The following ERGIC1 variants were observed in gnomAD, a reference collection of about 807,000 sequenced individuals.
The protein encoded by ERGIC1 is endoplasmic reticulum-Golgi intermediate compartment protein 1.
A neutral mutation model predicts 38.3 loss-of-function variants in ERGIC1; 19 were observed. The observed-to-expected ratio is 0.50, with a 90% confidence interval of 0.35 to 0.73. ERGIC1 has a LOEUF of 0.73. Ranked by LOEUF, ERGIC1 falls within the 30% of genes least tolerant of loss-of-function variation. The pLI, the probability that ERGIC1 is intolerant of heterozygous loss-of-function variation, is 0.01. For synonymous variants in ERGIC1, 124 were observed against 157.6 expected, an observed-to-expected ratio of 0.79 and a Z score of 1.60; for missense variants, 294 against 389.2, an observed-to-expected ratio of 0.76 and a Z score of 2.06.
At chr5:172,876,814 C>G (rs1762148157) in intron 1 of ERGIC1, among the ~76,000 whole-genome samples, 1 of 152,096 alleles carries the variant, frequency 6.6e-6, no homozygotes, top group Non-Finnish European at 1.5e-5. Flanking sequence ...ATAGACAGAA[C>G]CATACCATAT....
At chr5:172,854,584 G>A (rs937545784) in intron 1 of ERGIC1, among the ~76,000 whole-genome samples, 2 of 152,240 alleles carry the variant, frequency 1.3e-5, no homozygotes, top group South Asian at 4.1e-4. Context: ...CAGCACGTCC[G>A]CATGGTCCCG....
chr5:172,935,040 T>C (rs1763857212), intron 8 of ERGIC1, 148 bp from the exon 9 acceptor site: 1 of 1,134,826 alleles, frequency 8.8e-7, no homozygotes. Flanking sequence ...GGAAGGGATG[T>C]GAGAGAGGGA....
intron 4 of ERGIC1, among the ~76,000 whole-genome samples, chr5:172,912,076 C>CTTT (rs565096601): frequency 7.5e-6 from 1 of 132,804 alleles, no homozygotes; most frequent in African/African-American, 2.8e-5. Context: ...TCTGGAGTTT[C>CTTT]TTTTTTTTTT....
intron 1 of ERGIC1, among the ~76,000 whole-genome samples, chr5:172,838,675 T>A (rs945482927): frequency 1.3e-5 from 2 of 152,116 alleles, no homozygotes; most frequent in Non-Finnish European, 2.9e-5. Context: ...CAAGTCATCC[T>A]CCTTCCTTGG....
At chr5:172,950,188 C>T (rs759799390) in intron 9 of ERGIC1, among the ~76,000 whole-genome samples, 10 of 152,232 alleles carry the variant, frequency 6.6e-5, no homozygotes, top group African/African-American at 1.9e-4. Context: ...TTGCTTACTA[C>T]CCATCAAGTC....
intron 8 of ERGIC1, 23 bp downstream of exon 8, chr5:172,932,559 G>T (rs369644983): frequency 1.8e-5 from 29 of 1,609,814 alleles, no homozygotes; most frequent in Non-Finnish European, 2.1e-5. Flanking sequence ...TGGCTGGGCC[G>T]AGCTGTGTGC....
At chr5:172,860,965 C>A (rs1320293601) in intron 1 of ERGIC1, among the ~76,000 whole-genome samples, 2 of 152,212 alleles carry the variant, frequency 1.3e-5, no homozygotes, top group African/African-American at 4.8e-5. Context: ...GGCCCTGGCA[C>A]TGACTGCCTG....
intron 9 of ERGIC1, chr5:172,937,720 A>G (rs1763917261): frequency 6.6e-6 from 1 of 151,806 alleles, no homozygotes; most frequent in South Asian, 2.1e-4. Context: ...ACTGACAGAA[A>G]TTGAAAACTT....
At position 172,951,381 on chromosome 5, in the gene ERGIC1, C is replaced by G. The variant is rs1764226968; in HGVS notation, c.*565C>G. On this transcript the variant is annotated 3_prime_UTR_variant, in exon 10 of 10. Transcript: ENST00000393784. ...TATGATTTGTCACTATAGATGGAACCCTGACTTCTGCCCCATCCCTTCCTG... is the reference window on the plus strand; with the variant it reads ...TATGATTTGTCACTATAGATGGAACGCTGACTTCTGCCCCATCCCTTCCTG... 1 of 152,360 alleles carries G rather than the reference C, an allele frequency of 6.6e-6. No homozygotes were observed. The highest frequency in any genetic ancestry group is 6.5e-5 in the Admixed American group (1 of 15,276). The allele number at this position is 152,360 out of a possible 1,614,324, so 9.4% of individuals were successfully genotyped here.
chr5:172,907,113 T>A (rs1203929577), intron 3 of ERGIC1, among the ~76,000 whole-genome samples: 1 of 152,108 alleles, frequency 6.6e-6, no homozygotes, highest in Non-Finnish European at 1.5e-5. Context: ...GCCCTCCTCC[T>A]CTCCATTCCC....
intron 1 of ERGIC1, among the ~76,000 whole-genome samples, chr5:172,858,380 C>T (rs1221724379): frequency 2.6e-5 from 4 of 152,224 alleles, no homozygotes; most frequent in Admixed American, 2.6e-4. Context: ...AGCAGATCCT[C>T]ACGAACTCTT....
chr5:172,881,847 C>A (rs527407224), intron 1 of ERGIC1, among the ~76,000 whole-genome samples: 1 of 152,340 alleles, frequency 6.6e-6, no homozygotes, highest in African/African-American at 2.4e-5. Flanking sequence ...GCCTCTGTGG[C>A]CCTAGTATAT....
chr5:172,906,850 C>T (rs548948423), intron 3 of ERGIC1, among the ~76,000 whole-genome samples: 29 of 152,192 alleles, frequency 1.9e-4, no homozygotes, highest in African/African-American at 5.5e-4. Flanking sequence ...GGGGCATTAT[C>T]GGGGAATCAG....
At chr5:172,941,038 G>A (rs1763999697) in intron 9 of ERGIC1, among the ~76,000 whole-genome samples, 1 of 152,194 alleles carries the variant, frequency 6.6e-6, no homozygotes, top group Admixed American at 6.5e-5. Flanking sequence ...CAGCACTTTG[G>A]GAGGCCAAGG....
chr5:172,945,733 G>A (rs995259073), intron 9 of ERGIC1, among the ~76,000 whole-genome samples: 1 of 152,100 alleles, frequency 6.6e-6, no homozygotes, highest in Non-Finnish European at 1.5e-5. Context: ...GACCTCGCCT[G>A]GAGTGCAGTG....
chr5:172,906,394 A>G (rs1763024962), intron 3 of ERGIC1, among the ~76,000 whole-genome samples: 1 of 152,262 alleles, frequency 6.6e-6, no homozygotes, highest in Admixed American at 6.5e-5. Context: ...GATGGGGCTC[A>G]GGGCATTTCA....
At chr5:172,862,762 A>G (rs923770901) in intron 1 of ERGIC1, among the ~76,000 whole-genome samples, 2 of 152,180 alleles carry the variant, frequency 1.3e-5, no homozygotes, top group Admixed American at 6.5e-5. Flanking sequence ...CTACTGTTAT[A>G]TGCTTTGTAT....
chr5:172,913,702 A>T (rs1048358219), intron 4 of ERGIC1, among the ~76,000 whole-genome samples: 1 of 152,136 alleles, frequency 6.6e-6, no homozygotes, highest in African/African-American at 2.4e-5. Flanking sequence ...ACCACTGGCT[A>T]CTTGGACCAT....
intron 2 of ERGIC1, among the ~76,000 whole-genome samples, chr5:172,893,903 A>ATGTGTGTGTGTGTG (rs1279828120): frequency 3.9e-4 from 5 of 12,882 alleles, no homozygotes; most frequent in East Asian, 5.3e-3. Context: ...ATATATATAT[A>ATGTGTGTGTGTGTG]TATGTGTGTG....
Sources: gnomAD v4.1 joint callset for allele counts (sites outside exome capture counted in the v4.1 genomes callset) on GRCh38, gnomAD v4.1.1 for gene constraint, MANE v1.5 for transcripts, NCBI Gene and HGNC (gene_info 2026-07-23, HGNC 2026-07-21) for gene names.